FRMD4A: variants seen among roughly 807,000 people sequenced by gnomAD.
FRMD4A encodes the protein FERM domain containing 4A.
A neutral mutation model predicts 129.1 loss-of-function variants in FRMD4A; 29 were observed. That is an observed-to-expected ratio of 0.22 (90% CI 0.17 to 0.31). The LOEUF is 0.31. Ranked by LOEUF, FRMD4A falls within the 10% of genes least tolerant of loss-of-function variation. FRMD4A has a pLI of 1.00. For missense variants in FRMD4A, 1,272 were observed against 1,375.8 expected (o/e 0.92, Z 1.19); for synonymous variants, 634 against 571.6 (o/e 1.11, Z -1.56).
chr10:14,062,883 G>A (rs1190518260), intron 2 of FRMD4A, among the ~76,000 whole-genome samples: 1 of 152,178 alleles, frequency 6.6e-6, no homozygotes, highest in African/African-American at 2.4e-5. Context: ...CATGGATGGT[G>A]GGTGGGCAAC....
At chr10:14,278,808 A>T (rs751707743) in intron 2 of FRMD4A, among the ~76,000 whole-genome samples, 1 of 152,200 alleles carries the variant, frequency 6.6e-6, no homozygotes, top group Non-Finnish European at 1.5e-5. Flanking sequence ...GACAAATGTT[A>T]CAAGGAGACC....
intron 6 of FRMD4A, among the ~76,000 whole-genome samples, chr10:13,763,699 T>C (rs1363401072): frequency 1.3e-5 from 2 of 152,222 alleles, no homozygotes; most frequent in Non-Finnish European, 2.9e-5. Context: ...ATTTTTGAAA[T>C]ACATATTTCA....
At chr10:13,766,827 C>A (rs1184769902) in intron 6 of FRMD4A, among the ~76,000 whole-genome samples, 2 of 152,208 alleles carry the variant, frequency 1.3e-5, no homozygotes, top group East Asian at 3.9e-4. Context: ...GTAATCCCAG[C>A]ACTTTGGGAG....
At chr10:14,036,492 T>C (rs923879100) in intron 2 of FRMD4A, among the ~76,000 whole-genome samples, 12 of 152,176 alleles carry the variant, frequency 7.9e-5, no homozygotes, top group African/African-American at 2.7e-4. Context: ...CGGAGTATAG[T>C]GATGCTTGTT....
At chr10:13,941,244 A>G (rs934533123) in intron 2 of FRMD4A, among the ~76,000 whole-genome samples, 3 of 152,146 alleles carry the variant, frequency 2.0e-5, no homozygotes, top group African/African-American at 4.8e-5. Context: ...AAGTCTCACA[A>G]GATCTGATGG....
intron 2 of FRMD4A, among the ~76,000 whole-genome samples, chr10:14,317,669 G>A (rs891476258): frequency 6.9e-6 from 1 of 144,776 alleles, no homozygotes; most frequent in Non-Finnish European, 1.5e-5. Context: ...GGAAAGAGAA[G>A]AGAAGAGAAT....
chr10:13,884,146 T>TCA lies in FRMD4A; in HGVS notation c.46-25236_46-25235dup, dbSNP rs1352304619. Among the ~76,000 whole-genome samples, 575 of 99,346 alleles carry TCA rather than the reference T, an allele frequency of 5.8e-3. 21 individuals carry two copies. The highest frequency in any genetic ancestry group is 0.021 in the African/African-American group (512 of 23,932). The allele number at this position is 99,346 out of a possible 152,430, so 65.2% of individuals were successfully genotyped here. A position where few individuals can be genotyped will look rare whatever the true frequency, so the allele number is the denominator to read the frequency against. On this transcript the variant is annotated intron_variant, in intron 2 of 24. Coordinates refer to ENST00000357447, the MANE Select transcript of FRMD4A (RefSeq NM_018027.5). ...CTCACACACACGCTCACACACACTC[T>TCA]CACACACTCTCACACACACACTCAC...
At chr10:14,053,730 C>A (rs1164456543) in intron 2 of FRMD4A, among the ~76,000 whole-genome samples, 1 of 152,090 alleles carries the variant, frequency 6.6e-6, no homozygotes, top group East Asian at 1.9e-4. Flanking sequence ...ATCAAAAAGA[C>A]CCTTGTGGCT....
intron 2 of FRMD4A, chr10:13,972,175 ACCT>A (rs1372493489): frequency 1.9e-6 from 2 of 1,029,258 alleles, no homozygotes; most frequent in African/African-American, 3.3e-5. Context: ...CTTAGGGAAG[ACCT>A]CAGACCCAGA....
intron 18 of FRMD4A, among the ~76,000 whole-genome samples, chr10:13,665,516 T>G (rs1201448388): frequency 6.6e-6 from 1 of 152,204 alleles, no homozygotes; most frequent in Non-Finnish European, 1.5e-5. Context: ...GGGTGGATTT[T>G]GGGGGATTTC....
At chr10:13,984,815 T>G (rs2095575269) in intron 2 of FRMD4A, among the ~76,000 whole-genome samples, 1 of 152,220 alleles carries the variant, frequency 6.6e-6, no homozygotes, top group African/African-American at 2.4e-5. Context: ...TGACTCACGT[T>G]GCTGTGACTA....
chr10:14,054,698 G>A lies in FRMD4A; in HGVS notation c.46-195786C>T, dbSNP rs1588879582. On this transcript the variant is annotated intron_variant, in intron 2 of 24. Transcript: ENST00000357447. ...CAATGCCAAGTGATATGGTTTGGCT[G>A]TGTCCCCACCCAAATCTCATCTTGA... is the stretch of plus-strand genomic sequence containing the variant. 4.6e-5 allele frequency among the ~76,000 whole-genome samples: 7 copies of A among 152,226 alleles called. No homozygotes were observed. In the South Asian group the frequency reaches 1.5e-3, roughly 32 times the overall value.
At chr10:14,223,241 C>T (rs924189108) in intron 2 of FRMD4A, among the ~76,000 whole-genome samples, 1 of 152,244 alleles carries the variant, frequency 6.6e-6, no homozygotes, top group Non-Finnish European at 1.5e-5. Flanking sequence ...CATGGTGCCT[C>T]TCCCCAGAAC....
At chr10:14,122,794 C>G (rs775937463) in intron 2 of FRMD4A, among the ~76,000 whole-genome samples, 2 of 152,088 alleles carry the variant, frequency 1.3e-5, no homozygotes, top group African/African-American at 4.8e-5. Flanking sequence ...GGTGGGGACA[C>G]AGATCCAAAC....
At chr10:14,216,040 T>C (rs182965312) in intron 2 of FRMD4A, among the ~76,000 whole-genome samples, 325 of 152,298 alleles carry the variant, frequency 2.1e-3, no homozygotes, top group Non-Finnish European at 3.7e-3. Flanking sequence ...GAAGTTCCAC[T>C]ACACGTTCTG....
intron 3 of FRMD4A, among the ~76,000 whole-genome samples, chr10:13,824,295 G>T: frequency 7.5e-6 from 1 of 133,140 alleles, no homozygotes. Flanking sequence ...GGCCAACATG[G>T]TGAAACCCTA....
In FRMD4A at chr10:13,819,852, G is replaced by C. The variant is rs193292477; in HGVS notation, c.112-8944C>G. ...TTCTCATGCCTCAGCCACCCAAGTA[G>C]CTGGGATTATAGGCATGTGCCACCA... On this transcript the variant is annotated intron_variant, in intron 3 of 24. Transcript: ENST00000357447. 3.7e-3 allele frequency among the ~76,000 whole-genome samples: 556 copies of C among 152,168 alleles called. 1 individual carries two copies. Among genetic ancestry groups the C allele is most frequent in the Non-Finnish European group, 6.0e-3 (407 of 68,012 alleles).
At chr10:13,656,533 C>G in intron 22 of FRMD4A, 103 bp downstream of exon 22, 3 of 1,233,438 alleles carry the variant, frequency 2.4e-6, no homozygotes, top group Non-Finnish European at 3.1e-6. Context: ...TCCCGTTCCT[C>G]ACTGCACCCA....
At chr10:14,302,995 GA>G (rs2132092550) in intron 2 of FRMD4A, among the ~76,000 whole-genome samples, 1 of 152,248 alleles carries the variant, frequency 6.6e-6, no homozygotes, top group African/African-American at 2.4e-5. Flanking sequence ...TGAAAAGATG[GA>G]TATCTCAGGC....
Sources: gnomAD v4.1 joint callset for allele counts (sites outside exome capture counted in the v4.1 genomes callset) on GRCh38, gnomAD v4.1.1 for gene constraint, MANE v1.5 for transcripts, NCBI Gene and HGNC (gene_info 2026-07-23, HGNC 2026-07-21) for gene names.